The following MBOAT2 variants were observed in gnomAD, a reference collection of about 807,000 sequenced individuals.
MBOAT2 encodes membrane bound glycerophospholipid O-acyltransferase 2.
MBOAT2 carries 28 observed loss-of-function variants against 63.4 expected under a neutral mutation model. The ratio of observed to expected loss-of-function variants is 0.44; its 90% CI spans 0.33 to 0.61. The LOEUF (loss-of-function observed/expected upper bound fraction) is 0.61. Ranked by LOEUF, MBOAT2 falls within the 20% of genes least tolerant of loss-of-function variation. The pLI, the probability that MBOAT2 is intolerant of heterozygous loss-of-function variation, is 0.03. For synonymous variants in MBOAT2, 211 were observed against 215.6 expected, an observed-to-expected ratio of 0.98 and a Z score of 0.19; for missense variants, 470 against 605.8, an observed-to-expected ratio of 0.78 and a Z score of 2.35.
At chr2:8,865,374 C>T (rs902134786) in intron 9 of MBOAT2, among the ~76,000 whole-genome samples, 64 of 152,072 alleles carry the variant, frequency 4.2e-4, no homozygotes, top group Admixed American at 3.2e-3. Context: ...TTCTCATCAT[C>T]GAACTACACA....
At chr2:8,999,709 T>C in intron 1 of MBOAT2, among the ~76,000 whole-genome samples, 1 of 152,208 alleles carries the variant, frequency 6.6e-6, no homozygotes, top group East Asian at 1.9e-4. Flanking sequence ...CATACATTCC[T>C]TTAATCATAA....
chr2:9,002,827 G>T (rs185464597), intron 1 of MBOAT2, among the ~76,000 whole-genome samples: 1 of 152,278 alleles, frequency 6.6e-6, no homozygotes, highest in East Asian at 1.9e-4. Context: ...TTTTCTGAGG[G>T]CTGGGCAAGG....
intron 1 of MBOAT2, among the ~76,000 whole-genome samples, chr2:8,984,872 G>C (rs1671448238): frequency 6.6e-6 from 1 of 152,046 alleles, no homozygotes; most frequent in Non-Finnish European, 1.5e-5. Flanking sequence ...TACCAAAACA[G>C]GAGGAGTCAG....
intron 2 of MBOAT2, among the ~76,000 whole-genome samples, chr2:8,954,110 C>T (rs1669032882): frequency 6.6e-6 from 1 of 151,482 alleles, no homozygotes; most frequent in Non-Finnish European, 1.5e-5. Flanking sequence ...TTCTTCTTTC[C>T]TTTTTCCTTT....
At chr2:8,891,381 G>T (rs984689626) in intron 4 of MBOAT2, among the ~76,000 whole-genome samples, 13 of 152,202 alleles carry the variant, frequency 8.5e-5, no homozygotes, top group Non-Finnish European at 1.6e-4. Flanking sequence ...GTCCAACGCA[G>T]CAGGTATATG....
At chr2:8,965,701 C>T (rs1308082205) in intron 1 of MBOAT2, among the ~76,000 whole-genome samples, 1 of 152,056 alleles carries the variant, frequency 6.6e-6, no homozygotes, top group Admixed American at 6.6e-5. Flanking sequence ...ATTTAAAATG[C>T]ATATCAAACC....
At chr2:8,912,343 GAA>G (rs770836740) in intron 3 of MBOAT2, among the ~76,000 whole-genome samples, 234 of 86,172 alleles carry the variant, frequency 2.7e-3, no homozygotes, top group South Asian at 9.4e-3. Context: ...AAGAAAGAAA[GAA>G]AGAAAGAGAA....
chr2:8,954,915 G>A (rs1165321940), intron 2 of MBOAT2, among the ~76,000 whole-genome samples: 1 of 152,180 alleles, frequency 6.6e-6, no homozygotes, highest in African/African-American at 2.4e-5. Flanking sequence ...AGAGCAGAGT[G>A]GGGCACCCAA....
intron 3 of MBOAT2, among the ~76,000 whole-genome samples, chr2:8,942,248 G>A (rs992663178): frequency 2.5e-4 from 38 of 152,092 alleles, no homozygotes; most frequent in Non-Finnish European, 3.7e-4. Flanking sequence ...ATGAGACTTA[G>A]AAAAAAACTA....
intron 1 of MBOAT2, among the ~76,000 whole-genome samples, chr2:8,984,663 A>AG (rs903554198): frequency 6.6e-6 from 1 of 152,160 alleles, no homozygotes; most frequent in Non-Finnish European, 1.5e-5. Context: ...ATAAAGAACT[A>AG]GGGGGGAGGG....
At chr2:8,912,426 C>T (rs201821742) in intron 3 of MBOAT2, among the ~76,000 whole-genome samples, 12 of 143,312 alleles carry the variant, frequency 8.4e-5, no homozygotes, top group African/African-American at 2.3e-4. Context: ...ACAGGCCGGC[C>T]GGCCTTGAAA....
rs371153407 is a variant in MBOAT2 at position 8,995,922 on chromosome 2, T to C, written c.75+7618A>G. Reference sequence around the variant, plus strand: ...CCATTTTAATAAACTTTTAATAATATGAACAGCCTAAAAACTTTGGCCCAA... The same window carrying C: ...CCATTTTAATAAACTTTTAATAATACGAACAGCCTAAAAACTTTGGCCCAA... On this transcript the variant is annotated intron_variant, in intron 1 of 12. Coordinates refer to ENST00000305997, the MANE Select transcript of MBOAT2 (RefSeq NM_138799.4). Among the ~76,000 whole-genome samples the C allele has an allele frequency of 1.3e-3, 204 of 152,358 alleles. 4 individuals are homozygous for C. In the South Asian group the frequency reaches 0.041, roughly 30 times the overall value.
Position 8,893,466 on chromosome 2 carries a change from A to G in MBOAT2, c.396-5393T>C, listed in dbSNP as rs183297579. ...TTCTCAAAACGGTTACCTATAAAACACAAGTGATAATAATGCCACTGTGTG... is the reference window on the plus strand; with the variant it reads ...TTCTCAAAACGGTTACCTATAAAACGCAAGTGATAATAATGCCACTGTGTG... On this transcript the variant is annotated intron_variant, in intron 4 of 12. Coordinates refer to ENST00000305997, the MANE Select transcript of MBOAT2 (RefSeq NM_138799.4). Among the ~76,000 whole-genome samples the G allele has an allele frequency of 1.9e-3, 284 of 152,352 alleles. 1 individual carries two copies. Among genetic ancestry groups the G allele is most frequent in the South Asian group, 8.7e-3 (42 of 4,834 alleles).
At position 8,918,486 on chromosome 2, in the gene MBOAT2, CAT is replaced by C. The variant is rs541025890; in HGVS notation, c.300-9772_300-9771del. Among the ~76,000 whole-genome samples the C allele has an allele frequency of 6.6e-4, 100 of 152,264 alleles. No homozygotes were observed. The East Asian group carries it at 8.7e-3, about 13-fold the overall frequency. On this transcript the variant is annotated intron_variant, in intron 3 of 12. Transcript: ENST00000305997. The stretch of plus-strand genomic sequence containing the variant: ...GTAACACAGAGACACTAAGTGAACA[CAT>C]GTTACTGGAAACCAGCACTGATGGA...
chr2:8,896,009 G>A (rs543990169), intron 4 of MBOAT2, among the ~76,000 whole-genome samples: 11 of 152,092 alleles, frequency 7.2e-5, no homozygotes, highest in South Asian at 6.2e-4. Context: ...AGGCCGAGGC[G>A]GGCGGATCAC....
At chr2:8,900,355 G>A (rs1558591208) in intron 4 of MBOAT2, among the ~76,000 whole-genome samples, 1 of 152,088 alleles carries the variant, frequency 6.6e-6, no homozygotes, top group Non-Finnish European at 1.5e-5. Context: ...TAAAGGCCAG[G>A]GTTTGATCTA....
intron 9 of MBOAT2, among the ~76,000 whole-genome samples, chr2:8,865,657 C>A (rs1661818446): frequency 6.6e-6 from 1 of 152,234 alleles, no homozygotes; most frequent in African/African-American, 2.4e-5. Flanking sequence ...CTATTTCTAC[C>A]CTCTTCCCTT....
intron 3 of MBOAT2, among the ~76,000 whole-genome samples, chr2:8,925,765 C>T (rs79758659): frequency 1.4e-3 from 207 of 152,294 alleles, no homozygotes; most frequent in Non-Finnish European, 2.3e-3. Context: ...CTCATTCACA[C>T]GTGGCCACTC....
intron 1 of MBOAT2, among the ~76,000 whole-genome samples, chr2:8,993,998 C>T (rs575576391): frequency 2.6e-5 from 4 of 152,202 alleles, no homozygotes; most frequent in Admixed American, 6.5e-5. Context: ...ACACCCACTA[C>T]GTGAACTACT....
Sources: allele counts gnomAD v4.1 joint callset (sites outside exome capture counted in the v4.1 genomes callset), GRCh38; gene constraint gnomAD v4.1.1; transcripts MANE v1.5; gene names NCBI Gene and HGNC (gene_info 2026-07-23, HGNC 2026-07-21).